NKAIN2: variants seen among roughly 807,000 people sequenced by gnomAD.
The protein encoded by NKAIN2 is sodium/potassium-transporting ATPase subunit beta-1-interacting protein 2.
In NKAIN2, 14 loss-of-function variants were observed where a neutral mutation model predicts 32.6. The ratio of observed to expected loss-of-function variants is 0.43; its 90% CI spans 0.28 to 0.67. NKAIN2 has a LOEUF of 0.67. Among genes scored for constraint, NKAIN2 ranks in the 30% least tolerant of loss-of-function variants. The pLI is 0.17. For synonymous variants in NKAIN2, 80 were observed against 87.2 expected (o/e 0.92, Z 0.46); for missense variants, 198 against 258.3 (o/e 0.77, Z 1.60).
intron 2 of NKAIN2, among the ~76,000 whole-genome samples, chr6:124,341,104 C>G (rs1436701981): frequency 1.3e-5 from 2 of 151,994 alleles, no homozygotes; most frequent in African/African-American, 4.8e-5. Context: ...AGTGTTTAAG[C>G]AAAATATTTT....
At chr6:124,719,763 A>C (rs1352488263) in intron 4 of NKAIN2, among the ~76,000 whole-genome samples, 2 of 151,834 alleles carry the variant, frequency 1.3e-5, no homozygotes, top group Non-Finnish European at 2.9e-5. Flanking sequence ...ATGCGCAGGC[A>C]TAGTATTAAT....
chr6:124,249,215 A>G (rs931160218), intron 1 of NKAIN2, among the ~76,000 whole-genome samples: 3 of 152,136 alleles, frequency 2.0e-5, no homozygotes, highest in Admixed American at 2.0e-4. Flanking sequence ...AAGGTGGGAA[A>G]AGTTTGTTTC....
intron 1 of NKAIN2, among the ~76,000 whole-genome samples, chr6:124,049,929 G>A (rs964960830): frequency 7.2e-5 from 11 of 151,976 alleles, no homozygotes; most frequent in African/African-American, 2.7e-4. Flanking sequence ...TTTCCTTTAA[G>A]TAAAAAGGTC....
chr6:124,555,477 C>T (rs1227655830), intron 3 of NKAIN2, among the ~76,000 whole-genome samples: 1 of 152,170 alleles, frequency 6.6e-6, no homozygotes, highest in Admixed American at 6.5e-5. Context: ...CAAAGTCTCA[C>T]TCTTAGTATG....
At chr6:124,215,771 A>G (rs888267488) in intron 1 of NKAIN2, among the ~76,000 whole-genome samples, 9 of 152,158 alleles carry the variant, frequency 5.9e-5, no homozygotes, top group African/African-American at 1.4e-4. Context: ...CAACAAAATC[A>G]GCTAAGAATA....
intron 5 of NKAIN2, among the ~76,000 whole-genome samples, chr6:124,809,412 G>A (rs1284461128): frequency 6.8e-6 from 1 of 147,370 alleles, no homozygotes; most frequent in East Asian, 2.0e-4. Context: ...AATGGTGCTG[G>A]GAAAACTGGC....
At chr6:123,864,156 A>T (rs1049890673) in intron 1 of NKAIN2, among the ~76,000 whole-genome samples, 1 of 152,126 alleles carries the variant, frequency 6.6e-6, no homozygotes, top group African/African-American at 2.4e-5. Flanking sequence ...ACATTTTGGG[A>T]TCTGCCAGCT....
intron 4 of NKAIN2, among the ~76,000 whole-genome samples, chr6:124,682,777 C>T (rs1178494924): frequency 6.6e-6 from 1 of 152,234 alleles, no homozygotes; most frequent in African/African-American, 2.4e-5. Context: ...ATTATAAACT[C>T]TATAAAACAA....
chr6:124,302,907 G>A (rs957876412), intron 2 of NKAIN2, among the ~76,000 whole-genome samples: 5 of 152,196 alleles, frequency 3.3e-5, no homozygotes, highest in African/African-American at 1.2e-4. Context: ...TAGAGGCAAA[G>A]CAGCAAGAAA....
intron 3 of NKAIN2, among the ~76,000 whole-genome samples, chr6:124,638,082 G>C (rs545153250): frequency 6.6e-6 from 1 of 152,250 alleles, no homozygotes; most frequent in East Asian, 1.9e-4. Flanking sequence ...CAGTGGAACA[G>C]AATAGAGAAC....
At position 124,802,562 on chromosome 6, in the gene NKAIN2, C is replaced by T. The variant is rs946690173; in HGVS notation, c.535+11163C>T. Among the ~76,000 whole-genome samples, 7 of 152,164 alleles carry T rather than the reference C, an allele frequency of 4.6e-5. No individual in the cohort carries two copies. The South Asian group carries it at 1.2e-3, about 27-fold the overall frequency. On this transcript the variant is annotated intron_variant, in intron 5 of 6. Coordinates refer to ENST00000368417, the MANE Select transcript of NKAIN2 (RefSeq NM_001040214.3). ...ATTTACTGAAAGCATCAAAAGATAT[C>T]GGATTCATAATTTTCTGACTCTAGC...
intron 1 of NKAIN2, among the ~76,000 whole-genome samples, chr6:123,928,840 G>T (rs1776127639): frequency 6.6e-6 from 1 of 152,166 alleles, no homozygotes; most frequent in South Asian, 2.1e-4. Context: ...AGCAGCTGAA[G>T]AATGAGGAAT....
At chr6:124,592,846 T>G (rs1197131306) in intron 3 of NKAIN2, among the ~76,000 whole-genome samples, 1 of 152,144 alleles carries the variant, frequency 6.6e-6, no homozygotes, top group Non-Finnish European at 1.5e-5. Context: ...CTTGCACAAG[T>G]GCTGGGCATG....
At chr6:124,731,941 T>C (rs905643351) in intron 4 of NKAIN2, among the ~76,000 whole-genome samples, 2 of 152,052 alleles carry the variant, frequency 1.3e-5, no homozygotes, top group African/African-American at 4.8e-5. Flanking sequence ...AATGAACACA[T>C]AGTAAGTGCT....
intron 1 of NKAIN2, among the ~76,000 whole-genome samples, chr6:124,117,629 G>T (rs1176035262): frequency 6.6e-6 from 1 of 151,896 alleles, no homozygotes; most frequent in African/African-American, 2.4e-5. Flanking sequence ...TTGTGCACAT[G>T]TACCCTAAAA....
intron 1 of NKAIN2, among the ~76,000 whole-genome samples, chr6:123,913,640 T>C (rs188326716): frequency 6.6e-6 from 1 of 152,292 alleles, no homozygotes; most frequent in African/African-American, 2.4e-5. Flanking sequence ...TAGGGCTAAG[T>C]ATGGTCTCTA....
At chr6:123,835,677 A>G (rs549594973) in intron 1 of NKAIN2, among the ~76,000 whole-genome samples, 61 of 152,288 alleles carry the variant, frequency 4.0e-4, no homozygotes, top group Non-Finnish European at 5.9e-5. Context: ...TTCAGCTTGT[A>G]TTTAATGGAA....
chr6:123,948,597 A>ATTTTTTTTTTTTTTTTTTT (rs71021472), intron 1 of NKAIN2, among the ~76,000 whole-genome samples: 2 of 49,278 alleles, frequency 4.1e-5, no homozygotes, highest in African/African-American at 6.3e-5. Context: ...CTTAAATGGG[A>ATTTTTTTTTTTTTTTTTTT]TTTTTTTTTT....
At chr6:124,772,185 T>C (rs1778787095) in intron 4 of NKAIN2, among the ~76,000 whole-genome samples, 1 of 152,218 alleles carries the variant, frequency 6.6e-6, no homozygotes, top group African/African-American at 2.4e-5. Flanking sequence ...TCTGCCAGAC[T>C]GAGGCAGTGG....
Sources: allele counts gnomAD v4.1 joint callset (sites outside exome capture counted in the v4.1 genomes callset), GRCh38; gene constraint gnomAD v4.1.1; transcripts MANE v1.5; gene names NCBI Gene and HGNC (gene_info 2026-07-23, HGNC 2026-07-21).